The following STAG1 variants were observed in gnomAD, a reference collection of about 807,000 sequenced individuals.
STAG1 encodes the protein STAG1 cohesin complex component.
STAG1 carries 26 observed loss-of-function variants against 170.9 expected under a neutral mutation model. The ratio of observed to expected loss-of-function variants is 0.15; its 90% CI spans 0.11 to 0.21. The LOEUF (loss-of-function observed/expected upper bound fraction) is 0.21, where lower values mean the gene tolerates loss of function less well. Ranked by LOEUF, STAG1 falls within the 10% of genes least tolerant of loss-of-function variation. STAG1 has a pLI of 1.00. For synonymous variants in STAG1, 514 were observed against 497.7 expected, an observed-to-expected ratio of 1.03 and a Z score of -0.44; for missense variants, 964 against 1,509.5, an observed-to-expected ratio of 0.64 and a Z score of 5.99.
At chr3:136,591,448 T>C (rs1030855020) in intron 4 of STAG1, 1 of 260,156 alleles carries the variant, frequency 3.8e-6, no homozygotes, top group Non-Finnish European at 7.7e-6. Context: ...TATGCACCTG[T>C]AGTCCCAGCT....
chr3:136,626,339 T>C (rs892498543), intron 2 of STAG1, among the ~76,000 whole-genome samples: 1 of 150,958 alleles, frequency 6.6e-6, no homozygotes, highest in African/African-American at 2.4e-5. Flanking sequence ...GGCAGGAGAA[T>C]TGCTTGAACC....
At chr3:136,385,978 G>A (rs907396737) in intron 22 of STAG1, among the ~76,000 whole-genome samples, 2 of 152,078 alleles carry the variant, frequency 1.3e-5, no homozygotes, top group African/African-American at 4.8e-5. Flanking sequence ...CTGGGCTTAC[G>A]GGCATTAGCC....
chr3:136,665,723 T>C (rs192144501), intron 1 of STAG1, among the ~76,000 whole-genome samples: 95 of 142,210 alleles, frequency 6.7e-4, no homozygotes, highest in African/African-American at 2.5e-3. Context: ...GAGCTTGCAG[T>C]GAGCCAAGAT....
intron 10 of STAG1, among the ~76,000 whole-genome samples, chr3:136,476,184 A>C (rs2089744318): frequency 6.6e-6 from 1 of 152,198 alleles, no homozygotes; most frequent in Non-Finnish European, 1.5e-5. Context: ...AGCCTCAAAT[A>C]AGGCAGGTGC....
intron 9 of STAG1, among the ~76,000 whole-genome samples, chr3:136,492,718 C>T (rs2090145756): frequency 6.6e-6 from 1 of 152,088 alleles, no homozygotes; most frequent in Non-Finnish European, 1.5e-5. Flanking sequence ...GTCCTTCAAA[C>T]TGCAAGGGAA....
chr3:136,612,127 A>C (rs909593185), intron 3 of STAG1, among the ~76,000 whole-genome samples: 1 of 152,246 alleles, frequency 6.6e-6, no homozygotes, highest in African/African-American at 2.4e-5. Flanking sequence ...GATTACAGGC[A>C]TGAGCCACTG....
intron 6 of STAG1, among the ~76,000 whole-genome samples, chr3:136,523,851 A>G (rs901338932): frequency 1.1e-4 from 16 of 152,158 alleles, no homozygotes; most frequent in Non-Finnish European, 2.4e-4. Flanking sequence ...TTAAATAGGG[A>G]ATCCTTTCCC....
intron 6 of STAG1, among the ~76,000 whole-genome samples, chr3:136,527,861 G>C (rs746699226): frequency 5.3e-5 from 8 of 152,142 alleles, no homozygotes; most frequent in Non-Finnish European, 1.0e-4. Flanking sequence ...TCCAGACCCT[G>C]TTTTCCTGGG....
At chr3:136,630,828 T>G (rs1404770356) in intron 2 of STAG1, 42 bp downstream of exon 2, 6 of 1,412,042 alleles carry the variant, frequency 4.2e-6, no homozygotes, top group Non-Finnish European at 5.8e-6. Flanking sequence ...TGTCCAAAAT[T>G]TTCCTTAAAA....
intron 23 of STAG1, among the ~76,000 whole-genome samples, chr3:136,375,989 T>C (rs936057023): frequency 5.8e-4 from 43 of 73,634 alleles, no homozygotes; most frequent in Non-Finnish European, 1.1e-3. Flanking sequence ...AATAAATAAA[T>C]AAATAAATAA....
intron 6 of STAG1, among the ~76,000 whole-genome samples, chr3:136,538,307 A>C (rs1169846572): frequency 6.6e-6 from 1 of 152,198 alleles, no homozygotes; most frequent in East Asian, 1.9e-4. Flanking sequence ...CTTGATTACC[A>C]AGGGTGGAAG....
chr3:136,512,629 C>A (rs1434892642), intron 7 of STAG1, among the ~76,000 whole-genome samples: 6 of 151,888 alleles, frequency 4.0e-5, no homozygotes, highest in African/African-American at 1.2e-4. Context: ...TATCTAACTC[C>A]AAAAGAGCAG....
chr3:136,410,162 G>A (rs544808369), intron 21 of STAG1, among the ~76,000 whole-genome samples: 2 of 152,182 alleles, frequency 1.3e-5, no homozygotes, highest in East Asian at 3.9e-4. Context: ...AACTCTGGGA[G>A]GCCAAGGCAG....
chr3:136,618,070 G>A (rs1355518627), intron 3 of STAG1, among the ~76,000 whole-genome samples: 1 of 152,096 alleles, frequency 6.6e-6, no homozygotes, highest in Non-Finnish European at 1.5e-5. Flanking sequence ...TCAAAGAAAA[G>A]TATGTTCAAT....
At chr3:136,383,460 T>C (rs575754323) in intron 22 of STAG1, among the ~76,000 whole-genome samples, 10 of 152,180 alleles carry the variant, frequency 6.6e-5, no homozygotes, top group Non-Finnish European at 1.0e-4. Flanking sequence ...TCATCTGCTA[T>C]AATAGCTGTA....
intron 15 of STAG1, among the ~76,000 whole-genome samples, chr3:136,435,652 C>T (rs1341438547): frequency 3.9e-5 from 6 of 152,016 alleles, no homozygotes; most frequent in African/African-American, 9.6e-5. Flanking sequence ...CACATAGATT[C>T]TATACTTTCC....
At chr3:136,736,537 T>A in intron 1 of STAG1, 1 of 1,487,782 alleles carries the variant, frequency 6.7e-7, no homozygotes, top group East Asian at 2.3e-5. Flanking sequence ...CTCAGGAAGG[T>A]CCGATTTATC....
intron 1 of STAG1, among the ~76,000 whole-genome samples, chr3:136,719,710 G>A (rs1004622451): frequency 2.0e-5 from 3 of 150,166 alleles, no homozygotes; most frequent in African/African-American, 7.4e-5. Context: ...TGGATGGATC[G>A]ATCTCAAAAA....
At chr3:136,651,780 C>CA (rs996225055) in intron 1 of STAG1, among the ~76,000 whole-genome samples, 3 of 152,132 alleles carry the variant, frequency 2.0e-5, no homozygotes, top group African/African-American at 7.2e-5. Flanking sequence ...GCCCAATTAT[C>CA]AAGCCTACAC....
Sources: allele counts gnomAD v4.1 joint callset (sites outside exome capture counted in the v4.1 genomes callset), GRCh38; gene constraint gnomAD v4.1.1; transcripts MANE v1.5; gene names NCBI Gene and HGNC (gene_info 2026-07-23, HGNC 2026-07-21).